The following CEP85L variants were observed in gnomAD, a reference collection of about 807,000 sequenced individuals.
The protein encoded by CEP85L is centrosomal protein 85L.
A neutral mutation model predicts 100.3 loss-of-function variants in CEP85L; 60 were observed. The ratio of observed to expected loss-of-function variants is 0.60; its 90% CI spans 0.49 to 0.74. The LOEUF (loss-of-function observed/expected upper bound fraction) is 0.74. Among genes scored for constraint, CEP85L ranks in the 30% least tolerant of loss-of-function variants. The probability of loss-of-function intolerance (pLI) is 0.00; values close to 1 mark genes in which losing one functional copy is unlikely to be tolerated. For synonymous variants in CEP85L, 319 were observed against 322.7 expected, an observed-to-expected ratio of 0.99 and a Z score of 0.12; for missense variants, 973 against 936.2, an observed-to-expected ratio of 1.04 and a Z score of -0.51.
chr6:118,662,753 A>G (rs1027373428), intron 1 of CEP85L, among the ~76,000 whole-genome samples: 1 of 152,188 alleles, frequency 6.6e-6, no homozygotes, highest in Non-Finnish European at 1.5e-5. Context: ...CAATTAAAAC[A>G]TATGGACATG....
chr6:118,573,026 C>A (rs1779999887), intron 2 of CEP85L, among the ~76,000 whole-genome samples: 1 of 152,186 alleles, frequency 6.6e-6, no homozygotes, highest in African/African-American at 2.4e-5. Flanking sequence ...TGTGCCATTG[C>A]ACTCCAGCTT....
intron 1 of CEP85L, among the ~76,000 whole-genome samples, chr6:118,669,415 T>C (rs1776228834): frequency 6.6e-6 from 1 of 152,032 alleles, no homozygotes; most frequent in Admixed American, 6.6e-5. Flanking sequence ...TCTCTGGCAG[T>C]ATTCCGTTGT....
chr6:118,517,032 G>GTTA (rs2114746983), intron 4 of CEP85L, among the ~76,000 whole-genome samples: 1 of 44,968 alleles, frequency 2.2e-5, no homozygotes, highest in South Asian at 7.5e-4. Context: ...GTTTTCATCA[G>GTTA]GTTTGTCAAA....
At chr6:118,630,398 TGAA>T (rs1249384547) in intron 2 of CEP85L, among the ~76,000 whole-genome samples, 2 of 152,146 alleles carry the variant, frequency 1.3e-5, no homozygotes, top group Non-Finnish European at 1.5e-5. Context: ...TTGTGAGAAA[TGAA>T]GCTCTCCTTT....
intron 5 of CEP85L, chr6:118,502,087 C>A: frequency 2.1e-6 from 2 of 932,214 alleles, no homozygotes; most frequent in Admixed American, 2.2e-5. Flanking sequence ...TGTAGGAGAG[C>A]CAGAATACTG....
intron 2 of CEP85L, among the ~76,000 whole-genome samples, chr6:118,606,734 C>T (rs796887791): frequency 7.2e-5 from 11 of 152,296 alleles, no homozygotes; most frequent in African/African-American, 2.2e-4. Flanking sequence ...TCTTGAAAAG[C>T]GGGCTTACAG....
At chr6:118,481,646 A>G in intron 8 of CEP85L, 133 bp downstream of exon 8, 4 of 505,440 alleles carry the variant, frequency 7.9e-6, no homozygotes, top group Non-Finnish European at 1.3e-5. Flanking sequence ...GGCAGTTTGG[A>G]TAAGGGATGA....
At chr6:118,488,953 A>G (rs1420540701) in intron 6 of CEP85L, among the ~76,000 whole-genome samples, 1 of 152,158 alleles carries the variant, frequency 6.6e-6, no homozygotes, top group Non-Finnish European at 1.5e-5. Flanking sequence ...AGAATAATGT[A>G]AGAAGAAGTG....
intron 3 of CEP85L, among the ~76,000 whole-genome samples, chr6:118,543,287 TTATC>T (rs1158410353): frequency 2.6e-5 from 4 of 152,200 alleles, no homozygotes; most frequent in African/African-American, 4.8e-5. Flanking sequence ...GAAAATTAGT[TTATC>T]TAAGTTTCTG....
At chr6:118,702,248 C>A (rs1014229652) in intron 1 of CEP85L, among the ~76,000 whole-genome samples, 3 of 152,054 alleles carry the variant, frequency 2.0e-5, no homozygotes, top group African/African-American at 7.2e-5. Context: ...CAGTGGCTCA[C>A]GCCTATAATC....
chr6:118,679,307 G>A (rs148913493), intron 1 of CEP85L, among the ~76,000 whole-genome samples: 145 of 152,156 alleles, frequency 9.5e-4, no homozygotes, highest in African/African-American at 3.2e-3. Flanking sequence ...CCTGGCACAA[G>A]ATGAAGAAAA....
At chr6:118,653,232 T>C (rs2115392892), upstream of CEP85L, among the ~76,000 whole-genome samples, 1 of 152,318 alleles carries the variant, frequency 6.6e-6, no homozygotes, top group Non-Finnish European at 1.5e-5. Context: ...AAGGTGAAAG[T>C]ATCTAAAATA....
chr6:118,631,495 A>G (rs1774147201), intron 2 of CEP85L, among the ~76,000 whole-genome samples: 1 of 152,242 alleles, frequency 6.6e-6, no homozygotes, highest in African/African-American at 2.4e-5. Context: ...ATGAAGACAT[A>G]GGTTCACAGA....
chr6:118,671,169 A>G (rs1209582937), intron 1 of CEP85L, among the ~76,000 whole-genome samples: 3 of 152,158 alleles, frequency 2.0e-5, no homozygotes, highest in Non-Finnish European at 4.4e-5. Flanking sequence ...GTGGATCTCT[A>G]TCTGGTTGTG....
At chr6:118,519,148 C>CT (rs1423304393) in intron 4 of CEP85L, among the ~76,000 whole-genome samples, 2 of 151,984 alleles carry the variant, frequency 1.3e-5, no homozygotes, top group African/African-American at 4.8e-5. Flanking sequence ...TCAGCCTCCA[C>CT]TTTAAGAAGT....
intron 2 of CEP85L, among the ~76,000 whole-genome samples, chr6:118,618,985 G>A (rs1773258808): frequency 6.6e-6 from 1 of 152,096 alleles, no homozygotes; most frequent in African/African-American, 2.4e-5. Context: ...GCACGGCAGA[G>A]GGCAAGGATG....
intron 5 of CEP85L, among the ~76,000 whole-genome samples, chr6:118,510,465 A>C (rs1775903092): frequency 1.3e-5 from 2 of 152,134 alleles, no homozygotes; most frequent in African/African-American, 4.8e-5. Flanking sequence ...ATAAAAAGAA[A>C]TATAACATCA....
intron 2 of CEP85L, among the ~76,000 whole-genome samples, chr6:118,626,085 G>A (rs1460066448): frequency 2.0e-5 from 3 of 152,158 alleles, no homozygotes; most frequent in Non-Finnish European, 2.9e-5. Flanking sequence ...CAGTTGGGGT[G>A]TCCTGTTTAG....
At chr6:118,697,319 C>A (rs1259507127) in intron 1 of CEP85L, among the ~76,000 whole-genome samples, 1 of 152,214 alleles carries the variant, frequency 6.6e-6, no homozygotes, top group Non-Finnish European at 1.5e-5. Context: ...ATGATAGTCC[C>A]ATTTTGAGAC....
Sources: gnomAD v4.1 joint callset for allele counts (sites outside exome capture counted in the v4.1 genomes callset) on GRCh38, gnomAD v4.1.1 for gene constraint, MANE v1.5 for transcripts, NCBI Gene and HGNC (gene_info 2026-07-23, HGNC 2026-07-21) for gene names.